ARHGAP19: variants seen among roughly 807,000 people sequenced by gnomAD.
The protein encoded by ARHGAP19 is Rho GTPase activating protein 19, also known as rho GTPase-activating protein 19.
Under a neutral mutation model 60.9 loss-of-function variants are expected in ARHGAP19, and 48 were observed. That is an observed-to-expected ratio of 0.79 (90% CI 0.62 to 1.00). The LOEUF (loss-of-function observed/expected upper bound fraction) is 1.00. Among genes scored for constraint, ARHGAP19 ranks in the 50% least tolerant of loss-of-function variants. The pLI, the probability that ARHGAP19 is intolerant of heterozygous loss-of-function variation, is 0.00. For missense variants in ARHGAP19, 562 were observed against 597.2 expected, an observed-to-expected ratio of 0.94 and a Z score of 0.61; for synonymous variants, 209 against 215.5, an observed-to-expected ratio of 0.97 and a Z score of 0.27.
intron 8 of ARHGAP19, among the ~76,000 whole-genome samples, chr10:97,240,960 T>C (rs1239902038): frequency 6.6e-6 from 1 of 152,166 alleles, no homozygotes; most frequent in East Asian, 1.9e-4. Flanking sequence ...GTTTCTATAG[T>C]GAGCATGTAT....
intron 1 of ARHGAP19, among the ~76,000 whole-genome samples, chr10:97,271,019 G>T (rs1842953421): frequency 6.6e-6 from 1 of 152,020 alleles, no homozygotes; most frequent in African/African-American, 2.4e-5. Context: ...ACAAAGTAAA[G>T]ATCTAAATAT....
At chr10:97,265,703 A>G (rs1246693677) in intron 2 of ARHGAP19, 157 bp downstream of exon 2, 6 of 759,956 alleles carry the variant, frequency 7.9e-6, no homozygotes, top group Non-Finnish European at 1.2e-5. Context: ...TATAATTTGT[A>G]TTACTATTAC....
intron 4 of ARHGAP19, among the ~76,000 whole-genome samples, chr10:97,261,265 C>A (rs1842826676): frequency 6.6e-6 from 1 of 151,986 alleles, no homozygotes; most frequent in Non-Finnish European, 1.5e-5. Flanking sequence ...CTCAATAATT[C>A]CAGGTTTAGG....
Position 97,232,758 on chromosome 10 carries a change from C to CA in ARHGAP19, c.1284+2458dup, listed in dbSNP as rs565361873. Among the ~76,000 whole-genome samples, 905 of 144,552 alleles carry CA rather than the reference C, an allele frequency of 6.3e-3. 6 individuals carry two copies. The highest frequency in any genetic ancestry group is 0.016 in the African/African-American group (652 of 39,652). The allele number at this position is 144,552 out of a possible 152,430, so 94.8% of individuals were successfully genotyped here. ...TTTGTAAATGCTAACAGCTGTACCT[C>CA]AAAAAAAAAAAATTACAGACACAGT... is the stretch of plus-strand genomic sequence containing the variant. On this transcript the variant is annotated intron_variant, in intron 9 of 11. Transcript: ENST00000358531.
In ARHGAP19 at chr10:97,225,986, T is replaced by G. The variant is rs74152150; in HGVS notation, c.*136A>C. ...AGTGGGGTTAGAGGTATCAGTCGGG[T>G]CACGGTATTAGTTGGCTTTGACAAT... On this transcript the variant is annotated 3_prime_UTR_variant, in exon 12 of 12. Transcript: ENST00000358531. 6.4e-3 allele frequency: 5,630 copies of G among 874,076 alleles called. 186 individuals are homozygous for G. The African/African-American group carries it at 0.084, about 13-fold the overall frequency. The allele number at this position is 874,076 out of a possible 1,614,324, so 54.1% of individuals were successfully genotyped here. A position where few individuals can be genotyped will look rare whatever the true frequency, so the allele number is the denominator to read the frequency against.
intron 1 of ARHGAP19, among the ~76,000 whole-genome samples, chr10:97,291,873 A>C (rs914138316): frequency 1.1e-4 from 16 of 152,152 alleles, no homozygotes; most frequent in African/African-American, 3.6e-4. Context: ...TGAAAACGCT[A>C]AATCTCGGTG....
intron 8 of ARHGAP19, among the ~76,000 whole-genome samples, chr10:97,239,434 T>G (rs1842433427): frequency 6.6e-6 from 1 of 151,680 alleles, no homozygotes; most frequent in African/African-American, 2.4e-5. Context: ...AGGCGGAGAT[T>G]GCAGTGAGCC....
rs752096537 is a variant in ARHGAP19 at position 97,292,631 on chromosome 10, C to G, written c.-4G>C. On this transcript the variant is annotated 5_prime_UTR_variant, in exon 1 of 12. Transcript: ENST00000358531. ...CACTCTGTGCCTCAGTCGCCATCTT[C>G]GTCAGCAAACTTCTTTCACCGCCCC... 5 of 1,614,208 alleles carry G rather than the reference C, an allele frequency of 3.1e-6. No homozygotes were observed. Among genetic ancestry groups the G allele is most frequent in the Non-Finnish European group, 4.2e-6 (5 of 1,180,028 alleles).
chr10:97,282,695 C>T (rs1479111134), intron 1 of ARHGAP19, among the ~76,000 whole-genome samples: 1 of 152,138 alleles, frequency 6.6e-6, no homozygotes, highest in Non-Finnish European at 1.5e-5. Context: ...TACATTCTAA[C>T]TCAGCTGATT....
chr10:97,228,168 A>C (rs971207588), intron 11 of ARHGAP19, among the ~76,000 whole-genome samples: 1 of 152,214 alleles, frequency 6.6e-6, no homozygotes, highest in African/African-American at 2.4e-5. Context: ...AATATACTGA[A>C]ATCTAATTTT....
intron 6 of ARHGAP19, among the ~76,000 whole-genome samples, chr10:97,248,272 G>A (rs2074476379): frequency 6.6e-6 from 1 of 152,098 alleles, no homozygotes; most frequent in African/African-American, 2.4e-5. Flanking sequence ...AAATTAGCCG[G>A]GTGTGGTGGC....
At chr10:97,250,275 T>C (rs1358393816) in intron 6 of ARHGAP19, among the ~76,000 whole-genome samples, 2 of 152,168 alleles carry the variant, frequency 1.3e-5, no homozygotes, top group Admixed American at 6.6e-5. Flanking sequence ...GAGTTATATA[T>C]GAGTATTCAC....
At position 97,282,118 on chromosome 10, in the gene ARHGAP19, G is replaced by A. The variant is rs529837877; in HGVS notation, c.56+10454C>T. Among the ~76,000 whole-genome samples, 16 of 152,172 alleles carry A rather than the reference G, an allele frequency of 1.1e-4. No individual in the cohort carries two copies. The East Asian group carries it at 2.5e-3, about 24-fold the overall frequency. ...CCATCTTTCGAATCTATGTGACCTG[G>A]TGGGCACTGCCTGTGAGCATGTCAT... On this transcript the variant is annotated intron_variant, in intron 1 of 11. Transcript: ENST00000358531.
chr10:97,256,530 T>C (rs1256934014), intron 5 of ARHGAP19, 126 bp from the exon 6 acceptor site: 5 of 663,222 alleles, frequency 7.5e-6, no homozygotes, highest in African/African-American at 1.8e-5. Context: ...ATACAATGTT[T>C]AATTCTGGGA....
rs1370950700 is a variant in ARHGAP19, at chr10:97,292,564, C to T, written c.56+8G>A. 1 of 1,614,232 alleles carries T rather than the reference C, an allele frequency of 6.2e-7. No homozygotes were observed. The highest frequency in any genetic ancestry group is 8.5e-7 in the Non-Finnish European group (1 of 1,180,040). ...GTTTCCCAGGAAACTGGACCAAACT[C>T]AGCTCACCTCCGGCCGGATTCGCGG... On this transcript the variant is annotated splice_region_variant and intron_variant, in intron 1 of 11. Coordinates refer to ENST00000358531, the MANE Select transcript of ARHGAP19 (RefSeq NM_032900.6).
rs558872153 is a variant in ARHGAP19, at chr10:97,248,603, C to T, written c.928-2266G>A. ...CAAGCAGCCTAGAAGCAATGACACACCAGAAACAATGAATATACCTAGTAT... is the reference window on the plus strand; with the variant it reads ...CAAGCAGCCTAGAAGCAATGACACATCAGAAACAATGAATATACCTAGTAT... On this transcript the variant is annotated intron_variant, in intron 6 of 11. Coordinates refer to ENST00000358531, the MANE Select transcript of ARHGAP19 (RefSeq NM_032900.6). Among the ~76,000 whole-genome samples the T allele has an allele frequency of 3.8e-3, 572 of 152,112 alleles. 4 individuals are homozygous for T. The highest frequency in any genetic ancestry group is 0.013 in the African/African-American group (536 of 41,498).
intron 4 of ARHGAP19, among the ~76,000 whole-genome samples, chr10:97,260,822 A>G (rs1425382016): frequency 6.6e-6 from 1 of 151,824 alleles, no homozygotes; most frequent in East Asian, 1.9e-4. Context: ...AGTCAGGCAC[A>G]GTGGCACATG....
At chr10:97,272,618 G>A (rs793520) in intron 1 of ARHGAP19, among the ~76,000 whole-genome samples, 50,137 of 151,826 alleles carry the variant, frequency 0.33, 8,613 homozygotes, top group African/African-American at 0.41. Flanking sequence ...TGTTAATTTT[G>A]TTAAGTTGTA....
chr10:97,282,839 CTTTT>C (rs56387291), intron 1 of ARHGAP19, among the ~76,000 whole-genome samples: 5 of 91,010 alleles, frequency 5.5e-5, no homozygotes, highest in African/African-American at 7.4e-5. Context: ...TTTCTTTTTT[CTTTT>C]TTTTTTTTTT....
Sources: allele counts gnomAD v4.1 joint callset (sites outside exome capture counted in the v4.1 genomes callset), GRCh38; gene constraint gnomAD v4.1.1; transcripts MANE v1.5; gene names NCBI Gene and HGNC (gene_info 2026-07-23, HGNC 2026-07-21).